The following SLC46A3 variants were observed in gnomAD, a reference collection of about 807,000 sequenced individuals.
The protein encoded by SLC46A3 is solute carrier family 46 member 3.
A neutral mutation model predicts 38.5 loss-of-function variants in SLC46A3; 26 were observed. The observed-to-expected ratio is 0.68, with a 90% CI of 0.49 to 0.94. The LOEUF (loss-of-function observed/expected upper bound fraction) is 0.94. SLC46A3 is among the 40% of genes least tolerant of loss of function. The probability of loss-of-function intolerance (pLI) is 0.00; values close to 1 mark genes in which losing one functional copy is unlikely to be tolerated. For missense variants in SLC46A3, 510 were observed against 544.3 expected (o/e 0.94, Z 0.63); for synonymous variants, 185 against 192.5 (o/e 0.96, Z 0.32).
rs566342805 is a variant in SLC46A3, at chr13:28,702,211, C to G, written c.1302-630G>C. 7.9e-5 allele frequency among the ~76,000 whole-genome samples: 12 copies of G among 152,122 alleles called. No individual in the cohort carries two copies. The South Asian group carries it at 2.5e-3, about 32-fold the overall frequency. ...TGTTGCCCAGATTGGTCTTGAACTC[C>G]TGGCCTCAAGCAGTCCTCCTGCCTC... is the stretch of plus-strand genomic sequence containing the variant. On this transcript the variant is annotated intron_variant, in intron 5 of 5. Coordinates refer to ENST00000266943, the MANE Select transcript of SLC46A3 (RefSeq NM_181785.4).
intron 2 of SLC46A3, among the ~76,000 whole-genome samples, chr13:28,716,292 C>T (rs1304753599): frequency 1.3e-5 from 2 of 152,146 alleles, no homozygotes; most frequent in Admixed American, 6.5e-5. Flanking sequence ...TATTAACAAA[C>T]GTCTCCAGAG....
At chr13:28,715,310 A>C (rs957645334) in intron 2 of SLC46A3, among the ~76,000 whole-genome samples, 2 of 152,246 alleles carry the variant, frequency 1.3e-5, no homozygotes, top group African/African-American at 2.4e-5. Context: ...ACATGAGACC[A>C]CTGCTGTGGG....
chr13:28,708,784 G>A (rs551149183), intron 4 of SLC46A3, among the ~76,000 whole-genome samples: 35 of 151,778 alleles, frequency 2.3e-4, no homozygotes, highest in Middle Eastern at 3.4e-3. Context: ...GTTGTCCTTT[G>A]AAACATAAAA....
In SLC46A3 at chr13:28,701,636, G is replaced by A. The variant is rs539561582; in HGVS notation, c.1302-55C>T. On this transcript the variant is annotated intron_variant, in intron 5 of 5. Transcript: ENST00000266943. ...TGAGATTAAGACAATACATAAATAA[G>A]TAATCTGTTTTCCAACTTTTTTTCC... is the stretch of plus-strand genomic sequence containing the variant. The A allele has an allele frequency of 1.8e-5, 27 of 1,531,026 alleles. No homozygotes were observed. The South Asian group carries it at 2.9e-4, about 17-fold the overall frequency. The allele number at this position is 1,531,026 out of a possible 1,614,324, so 94.8% of individuals were successfully genotyped here.
rs553672264 is a variant in SLC46A3, at chr13:28,708,341, T to C, written c.1144+2419A>G. 2.0e-5 allele frequency among the ~76,000 whole-genome samples: 3 copies of C among 152,316 alleles called. No individual in the cohort carries two copies. The East Asian group carries it at 5.8e-4, about 29-fold the overall frequency. ...CATCAACACTTGCTATGGCCTATTT[T>C]ATTTTGGCCACCCCAGCCCACTCTG... On this transcript the variant is annotated intron_variant, in intron 4 of 5. Coordinates refer to ENST00000266943, the MANE Select transcript of SLC46A3 (RefSeq NM_181785.4).
At chr13:28,714,981 G>A (rs974083476) in intron 2 of SLC46A3, among the ~76,000 whole-genome samples, 3 of 152,194 alleles carry the variant, frequency 2.0e-5, no homozygotes, top group African/African-American at 7.2e-5. Flanking sequence ...AAAAGTGTGT[G>A]CCATTTGTAT....
Position 28,718,936 on chromosome 13 carries a change from A to G in SLC46A3, c.-465T>C, listed in dbSNP as rs1185392618. 2 of 152,278 alleles carry G rather than the reference A, an allele frequency of 1.3e-5. No individual in the cohort carries two copies. Among genetic ancestry groups the G allele is most frequent in the Non-Finnish European group, 2.9e-5 (2 of 68,090 alleles). The allele number at this position is 152,278 out of a possible 1,614,324, so 9.4% of individuals were successfully genotyped here. On this transcript the variant is annotated 5_prime_UTR_variant, in exon 1 of 6. Transcript: ENST00000266943. The stretch of plus-strand genomic sequence containing the variant: ...TCAGCGGCCCTGCCAGCGCTAGGCG[A>G]TGACTCGGCCGCAGCCAGCTGAGCA...
At position 28,713,040 on chromosome 13, in the gene SLC46A3, A is replaced by G. The variant is rs1302203762; in HGVS notation, c.700T>C (p.Cys234Arg). 1.9e-6 allele frequency: 3 copies of G among 1,611,950 alleles called. No individual in the cohort carries two copies. The African/African-American group carries it at 4.0e-5, about 22-fold the overall frequency. Residue 234 changes from cysteine to arginine, a missense_variant, in exon 3 of 6, where the codon TGT becomes CGT. Coordinates refer to ENST00000266943, the MANE Select transcript of SLC46A3 (RefSeq NM_181785.4). Reference sequence around the variant, plus strand: ...AATAGGTTTTTGAAGCCTTCACTACATGACATAGTAACATTCTGAGATGAA... The same window carrying G: ...AATAGGTTTTTGAAGCCTTCACTACGTGACATAGTAACATTCTGAGATGAA... ...ECSSQNVTMSCSEGFKNLFYR... is the reference protein window; with the variant it reads ...ECSSQNVTMSRSEGFKNLFYR...
At chr13:28,713,573 C>A in intron 2 of SLC46A3, 23 bp from the exon 3 acceptor site, 1 of 1,588,636 alleles carries the variant, frequency 6.3e-7, no homozygotes, top group Admixed American at 1.7e-5. Flanking sequence ...ATAAAGAAGA[C>A]AATGTGTTTA....
chr13:28,701,772 A>AT (rs565798178), intron 5 of SLC46A3, among the ~76,000 whole-genome samples, 191 bp from the exon 6 acceptor site: 7 of 151,904 alleles, frequency 4.6e-5, no homozygotes, highest in African/African-American at 1.5e-4. Flanking sequence ...AAACTGCATG[A>AT]TTTTTTTTCT....
At chr13:28,704,235 G>T in intron 4 of SLC46A3, 136 bp from the exon 5 acceptor site, 2 of 790,660 alleles carry the variant, frequency 2.5e-6, no homozygotes, top group Admixed American at 6.0e-5. Context: ...TGAAATGAAA[G>T]TTATTCCCTC....
At chr13:28,712,221 C>T (rs1312387983) in intron 3 of SLC46A3, among the ~76,000 whole-genome samples, 1 of 152,118 alleles carries the variant, frequency 6.6e-6, no homozygotes, top group Non-Finnish European at 1.5e-5. Flanking sequence ...ATGAAATGGC[C>T]AATTTGCTGA....
chr13:28,708,609 C>A, intron 4 of SLC46A3, among the ~76,000 whole-genome samples: 1 of 139,968 alleles, frequency 7.1e-6, no homozygotes, highest in Non-Finnish European at 1.6e-5. Flanking sequence ...CTTTCTTTTT[C>A]TTTTCTTTTT....
intron 4 of SLC46A3, among the ~76,000 whole-genome samples, chr13:28,705,766 T>G (rs534352291): frequency 6.6e-6 from 1 of 152,364 alleles, no homozygotes; most frequent in East Asian, 1.9e-4. Flanking sequence ...ATTAAGTCAG[T>G]TTAATTGGAA....
chr13:28,716,765 T>G (rs1458842944), intron 2 of SLC46A3, among the ~76,000 whole-genome samples: 1 of 152,128 alleles, frequency 6.6e-6, no homozygotes, highest in African/African-American at 2.4e-5. Flanking sequence ...ACCTGACACC[T>G]CGGGAAGTGC....
In SLC46A3 at chr13:28,712,681, T is replaced by C; in HGVS notation, c.1059A>G (p.Leu353=). The change falls in exon 3 of 6, where the codon TTA becomes TTG. Residue 353 remains leucine (L), a splice_region_variant and synonymous_variant. Coordinates refer to ENST00000266943, the MANE Select transcript of SLC46A3 (RefSeq NM_181785.4). ...TCTAAAGCTACACTTGGAACTCACCTAAAAACATCATCAGTGTTGTACTGG... is the reference window on the plus strand; with the variant it reads ...TCTAAAGCTACACTTGGAACTCACCCAAAAACATCATCAGTGTTGTACTGG... ...AFASTTLMMF[L]ARVPFLFTIV... 1 of 1,571,038 alleles carries C rather than the reference T, an allele frequency of 6.4e-7. No homozygotes were observed. The highest frequency in any genetic ancestry group is 8.6e-7 in the Non-Finnish European group (1 of 1,166,104).
Position 28,710,740 on chromosome 13 carries a change from C to G in SLC46A3, c.1144+20G>C, listed in dbSNP as rs777457496. ...TTGTAAAGATGGTAGATTCATATTT[C>G]TTAAGCAAATTAAACTCACCTTGTT... On this transcript the variant is annotated intron_variant, in intron 4 of 5. Transcript: ENST00000266943. 1 of 1,573,492 alleles carries G rather than the reference C, an allele frequency of 6.4e-7. No individual in the cohort carries two copies. Among genetic ancestry groups the G allele is most frequent in the African/African-American group, 1.4e-5 (1 of 73,888 alleles).
Position 28,701,273 on chromosome 13 carries a change from G to T in SLC46A3, c.*224C>A. ...GTGAGGCGTATTTGAAATTTGTTCT[G>T]TGTATTGCAAGTATATTGCATGATA... On this transcript the variant is annotated 3_prime_UTR_variant, in exon 6 of 6. Coordinates refer to ENST00000266943, the MANE Select transcript of SLC46A3 (RefSeq NM_181785.4). 1.4e-6 allele frequency: 2 copies of T among 1,406,554 alleles called. No homozygotes were observed. The highest frequency in any genetic ancestry group is 3.4e-5 in the South Asian group (2 of 58,664). The allele number at this position is 1,406,554 out of a possible 1,614,324, so 87.1% of individuals were successfully genotyped here.
chr13:28,708,543 T>C (rs1012449975), intron 4 of SLC46A3, among the ~76,000 whole-genome samples: 1 of 152,186 alleles, frequency 6.6e-6, no homozygotes, highest in Non-Finnish European at 1.5e-5. Context: ...CTCAGACAAA[T>C]ATAATTTGCA....
Sources: gnomAD v4.1 joint callset for allele counts (sites outside exome capture counted in the v4.1 genomes callset) on GRCh38, gnomAD v4.1.1 for gene constraint, MANE v1.5 for transcripts, NCBI Gene and HGNC (gene_info 2026-07-23, HGNC 2026-07-21) for gene names.